The following SCAMP1 variants were observed in gnomAD, a reference collection of about 807,000 sequenced individuals.
SCAMP1 encodes secretory carrier membrane protein 1, also known as secretory carrier-associated membrane protein 1.
SCAMP1 carries 15 observed loss-of-function variants against 41.8 expected under a neutral mutation model. The observed-to-expected ratio is 0.36, with a 90% CI of 0.24 to 0.55. The LOEUF (loss-of-function observed/expected upper bound fraction) is 0.55. Ranked by LOEUF, SCAMP1 falls within the 20% of genes least tolerant of loss-of-function variation. The pLI, the probability that SCAMP1 is intolerant of heterozygous loss-of-function variation, is 0.86. For synonymous variants in SCAMP1, 135 were observed against 136.8 expected, an observed-to-expected ratio of 0.99 and a Z score of 0.09; for missense variants, 341 against 412.6, an observed-to-expected ratio of 0.83 and a Z score of 1.50.
chr5:78,390,727 A>G (rs1751466622), intron 2 of SCAMP1, among the ~76,000 whole-genome samples: 1 of 149,946 alleles, frequency 6.7e-6, no homozygotes, highest in Non-Finnish European at 1.5e-5. Flanking sequence ...TCATAGGACA[A>G]TAGTGGAGGG....
chr5:78,469,982 G>A (rs1198764257), intron 8 of SCAMP1, among the ~76,000 whole-genome samples: 1 of 142,918 alleles, frequency 7.0e-6, no homozygotes, highest in Non-Finnish European at 1.5e-5. Flanking sequence ...CCTAGCTGTT[G>A]GAGAGACTGA....
At chr5:78,403,919 C>A (rs910972998) in intron 2 of SCAMP1, among the ~76,000 whole-genome samples, 1 of 114,372 alleles carries the variant, frequency 8.7e-6, no homozygotes, top group East Asian at 2.9e-4. Context: ...GAGCCAAGAT[C>A]GTGCCTAGGG....
At chr5:78,463,903 A>G (rs1360761707) in intron 8 of SCAMP1, among the ~76,000 whole-genome samples, 1 of 151,586 alleles carries the variant, frequency 6.6e-6, no homozygotes, top group Non-Finnish European at 1.5e-5. Flanking sequence ...TTGAATACCT[A>G]CTAATGAGAT....
In SCAMP1 at chr5:78,477,852, T is replaced by C. The variant is rs1469941967; in HGVS notation, c.*2184T>C. On this transcript the variant is annotated 3_prime_UTR_variant, in exon 9 of 9. Transcript: ENST00000621999. ...GTATGAAAGGAACTTTAAATTCTTA[T>C]ATTTACTTTTCTCTCAGTAAATTGT... The C allele has an allele frequency of 6.6e-6, 1 of 152,180 alleles. No individual in the cohort carries two copies. The highest frequency in any genetic ancestry group is 1.5e-5 in the Non-Finnish European group (1 of 67,994). The allele number at this position is 152,180 out of a possible 1,614,324, so 9.4% of individuals were successfully genotyped here.
At chr5:78,411,439 C>G (rs980785862) in intron 2 of SCAMP1, among the ~76,000 whole-genome samples, 2 of 152,122 alleles carry the variant, frequency 1.3e-5, no homozygotes, top group African/African-American at 4.8e-5. Flanking sequence ...TTTAAAAATA[C>G]AAGAAAATGC....
At chr5:78,414,271 A>G (rs1752153742) in intron 2 of SCAMP1, among the ~76,000 whole-genome samples, 1 of 151,218 alleles carries the variant, frequency 6.6e-6, no homozygotes, top group African/African-American at 2.4e-5. Context: ...TTTTAATTTA[A>G]TTTTTATTTT....
intron 1 of SCAMP1, among the ~76,000 whole-genome samples, chr5:78,366,676 C>T (rs923235272): frequency 6.6e-6 from 1 of 152,164 alleles, no homozygotes; most frequent in Non-Finnish European, 1.5e-5. Flanking sequence ...GTTGATTTCA[C>T]TCCTCCCTTA....
At chr5:78,436,718 T>A (rs923077867) in intron 6 of SCAMP1, among the ~76,000 whole-genome samples, 9 of 152,218 alleles carry the variant, frequency 5.9e-5, no homozygotes, top group Non-Finnish European at 1.0e-4. Flanking sequence ...TCTTTTTTGG[T>A]TCCATATGAA....
In SCAMP1 at chr5:78,373,226, T is replaced by G. The variant is rs183935528; in HGVS notation, c.57+12498T>G. On this transcript the variant is annotated intron_variant, in intron 1 of 8. Transcript: ENST00000621999. Reference sequence around the variant, plus strand: ...TATGTATAGTTTATAGAACTTTATCTTATGAACTGAACTCTAAGTGGTGGT... The same window carrying G: ...TATGTATAGTTTATAGAACTTTATCGTATGAACTGAACTCTAAGTGGTGGT... 2.9e-3 allele frequency among the ~76,000 whole-genome samples: 448 copies of G among 152,296 alleles called. 5 individuals carry two copies. The highest frequency in any genetic ancestry group is 9.9e-3 in the African/African-American group (411 of 41,572).
intron 5 of SCAMP1, among the ~76,000 whole-genome samples, chr5:78,421,046 A>G (rs77643402): frequency 1.6e-3 from 246 of 152,320 alleles, no homozygotes; most frequent in African/African-American, 5.3e-3. Flanking sequence ...ATTAATTACA[A>G]TGGGTCAAAG....
At position 78,475,929 on chromosome 5, in the gene SCAMP1, G is replaced by A. The variant is rs1753993673; in HGVS notation, c.*261G>A. 1 of 210,896 alleles carries A rather than the reference G, an allele frequency of 4.7e-6. No homozygotes were observed. The highest frequency in any genetic ancestry group is 5.7e-5 in the Admixed American group (1 of 17,564). The allele number at this position is 210,896 out of a possible 1,614,324, so 13.1% of individuals were successfully genotyped here. On this transcript the variant is annotated 3_prime_UTR_variant, in exon 9 of 9. Transcript: ENST00000621999. Reference sequence around the variant, plus strand: ...ATATTTTTGGGGGATGACATTCAGTGAATTATTTCAGTGGTGACCCACTGA... The same window carrying A: ...ATATTTTTGGGGGATGACATTCAGTAAATTATTTCAGTGGTGACCCACTGA...
chr5:78,428,010 G>C (rs114981639), intron 6 of SCAMP1, among the ~76,000 whole-genome samples: 1 of 152,042 alleles, frequency 6.6e-6, no homozygotes, highest in Non-Finnish European at 1.5e-5. Context: ...TGGCTTCTTA[G>C]TGGTGCCTTA....
At chr5:78,431,829 T>A (rs1043206554) in intron 6 of SCAMP1, among the ~76,000 whole-genome samples, 1 of 152,080 alleles carries the variant, frequency 6.6e-6, no homozygotes, top group Non-Finnish European at 1.5e-5. Flanking sequence ...AGAATTTTTT[T>A]AATTTGAATG....
chr5:78,458,886 A>C (rs1414632128), intron 7 of SCAMP1, among the ~76,000 whole-genome samples: 1 of 152,216 alleles, frequency 6.6e-6, no homozygotes, highest in African/African-American at 2.4e-5. Flanking sequence ...TCTCAAAAAA[A>C]AGAGTAATAA....
chr5:78,404,464 T>TTTTTTTTTTC (rs1751883227), intron 2 of SCAMP1, among the ~76,000 whole-genome samples: 1 of 148,346 alleles, frequency 6.7e-6, no homozygotes, highest in Admixed American at 6.7e-5. Context: ...TTTTTTTTTT[T>TTTTTTTTTTC]TTTTTTTTTG....
intron 2 of SCAMP1, among the ~76,000 whole-genome samples, chr5:78,399,522 G>T (rs181493286): frequency 2.0e-3 from 306 of 152,314 alleles, no homozygotes; most frequent in Non-Finnish European, 3.2e-3. Context: ...TAATTGGTGT[G>T]TAGTGGTGTC....
intron 8 of SCAMP1, among the ~76,000 whole-genome samples, chr5:78,465,129 C>A: frequency 6.6e-6 from 1 of 152,166 alleles, no homozygotes; most frequent in East Asian, 1.9e-4. Flanking sequence ...CCATGTCATT[C>A]TCTGTTTTCT....
At chr5:78,451,192 G>A (rs1753216785) in intron 7 of SCAMP1, among the ~76,000 whole-genome samples, 1 of 152,128 alleles carries the variant, frequency 6.6e-6, no homozygotes, top group South Asian at 2.1e-4. Flanking sequence ...TAATGAGGGT[G>A]CATACAGAAT....
At chr5:78,363,957 A>G (rs189734092) in intron 1 of SCAMP1, among the ~76,000 whole-genome samples, 136 of 152,338 alleles carry the variant, frequency 8.9e-4, no homozygotes, top group Admixed American at 7.1e-3. Context: ...AAAATAGGTG[A>G]TTAATTATAT....
Sources: allele counts gnomAD v4.1 joint callset (sites outside exome capture counted in the v4.1 genomes callset), GRCh38; gene constraint gnomAD v4.1.1; transcripts MANE v1.5; gene names NCBI Gene and HGNC (gene_info 2026-07-23, HGNC 2026-07-21).